The following GPHN variants were observed in gnomAD, a reference collection of about 807,000 sequenced individuals.
GPHN encodes gephyrin.
A neutral mutation model predicts 95.5 loss-of-function variants in GPHN; 17 were observed. The observed-to-expected ratio is 0.18, with a 90% CI of 0.12 to 0.27. GPHN has a LOEUF of 0.27. GPHN is among the 10% of genes least tolerant of loss of function. The pLI is 1.00. For synonymous variants in GPHN, 320 were observed against 322.5 expected, an observed-to-expected ratio of 0.99 and a Z score of 0.08; for missense variants, 660 against 978.1, an observed-to-expected ratio of 0.67 and a Z score of 4.34.
At chr14:67,653,601 A>T in the GPHN span, 5 of 1,004,258 alleles carry the variant, frequency 5.0e-6, no homozygotes, top group South Asian at 7.9e-5. Flanking sequence ...TATGTTGAAA[A>T]ATTCCAAGAA....
At chr14:66,952,912 T>C (rs2153579886) in intron 8 of GPHN, among the ~76,000 whole-genome samples, 2 of 152,020 alleles carry the variant, frequency 1.3e-5, no homozygotes, top group East Asian at 3.9e-4. Flanking sequence ...GCCAGGCCGG[T>C]CTCAAACTCC....
intron 9 of GPHN, among the ~76,000 whole-genome samples, chr14:66,990,226 C>T (rs915470009): frequency 6.6e-6 from 1 of 152,102 alleles, no homozygotes; most frequent in African/African-American, 2.4e-5. Flanking sequence ...AGAAAACCAC[C>T]TCCATGATCC....
At chr14:66,662,808 A>G (rs1264642904) in intron 1 of GPHN, among the ~76,000 whole-genome samples, 1 of 152,244 alleles carries the variant, frequency 6.6e-6, no homozygotes, top group African/African-American at 2.4e-5. Context: ...GAAGAAAACA[A>G]CAGAAGAAGT....
Position 66,834,615 on chromosome 14 carries a change from A to G in GPHN, c.294+10049A>G, listed in dbSNP as rs1162500205. ...TCCCAGGGATGAAGCCCACTTGATCATGGTGGATAAGCTTTTTGATGTGCT... is the reference window on the plus strand; with the variant it reads ...TCCCAGGGATGAAGCCCACTTGATCGTGGTGGATAAGCTTTTTGATGTGCT... On this transcript the variant is annotated intron_variant, in intron 4 of 22. Coordinates refer to ENST00000478722, the MANE Select transcript of GPHN (RefSeq NM_020806.5). Among the ~76,000 whole-genome samples the G allele has an allele frequency of 7.9e-5, 12 of 151,450 alleles. No individual in the cohort carries two copies. The East Asian group carries it at 9.8e-4, about 12-fold the overall frequency.
chr14:67,508,576 A>G, the GPHN span, among the ~76,000 whole-genome samples: 1 of 151,638 alleles, frequency 6.6e-6, no homozygotes, highest in Non-Finnish European at 1.5e-5. Flanking sequence ...TTCCTCTTCC[A>G]TGAATACTTC....
At chr14:67,278,585 C>T in the GPHN span, among the ~76,000 whole-genome samples, 14 of 152,158 alleles carry the variant, frequency 9.2e-5, no homozygotes, top group African/African-American at 3.4e-4. Context: ...ATTTCTTTAG[C>T]AGTTATTCTT....
At position 66,587,205 on chromosome 14, in the gene GPHN, A is replaced by G. The variant is rs573970164; in HGVS notation, c.64+78614A>G. ...TCATGAAGAAATAGAAAAGCTTTACATAATAACAAGTAAGGAGATTAAGTC... is the reference window on the plus strand; with the variant it reads ...TCATGAAGAAATAGAAAAGCTTTACGTAATAACAAGTAAGGAGATTAAGTC... On this transcript the variant is annotated intron_variant, in intron 1 of 22. Transcript: ENST00000478722. 4.6e-5 allele frequency among the ~76,000 whole-genome samples: 7 copies of G among 152,334 alleles called. No homozygotes were observed. The South Asian group carries it at 1.4e-3, about 32-fold the overall frequency.
intron 2 of GPHN, among the ~76,000 whole-genome samples, chr14:66,698,865 A>T (rs1373619255): frequency 6.6e-6 from 1 of 152,204 alleles, no homozygotes; most frequent in Non-Finnish European, 1.5e-5. Flanking sequence ...CATTTCATTA[A>T]TTTGATCTAT....
At chr14:66,680,846 CAT>C (rs1043673506) in intron 1 of GPHN, among the ~76,000 whole-genome samples, 15 of 151,974 alleles carry the variant, frequency 9.9e-5, no homozygotes, top group Admixed American at 7.2e-4. Context: ...TTTAGACCGA[CAT>C]GTTTATTATT....
At chr14:67,397,779 C>T in the GPHN span, 5 of 1,613,390 alleles carry the variant, frequency 3.1e-6, no homozygotes, top group Non-Finnish European at 4.2e-6. Context: ...CCAGCGTGTT[C>T]TGCCGAAGGA....
At chr14:66,597,864 G>A (rs2062049621) in intron 1 of GPHN, among the ~76,000 whole-genome samples, 1 of 152,214 alleles carries the variant, frequency 6.6e-6, no homozygotes, top group Non-Finnish European at 1.5e-5. Flanking sequence ...CAATAGCCAA[G>A]ATGTGGAATC....
the GPHN span, among the ~76,000 whole-genome samples, chr14:67,342,310 C>G: frequency 1.3e-5 from 2 of 151,672 alleles, no homozygotes; most frequent in Non-Finnish European, 2.9e-5. Context: ...GGTGTATACC[C>G]TTCTAGTGTC....
At chr14:67,111,294 G>C (rs997714217) in intron 14 of GPHN, among the ~76,000 whole-genome samples, 2 of 152,274 alleles carry the variant, frequency 1.3e-5, no homozygotes, top group African/African-American at 4.8e-5. Flanking sequence ...TACATCCACA[G>C]ACTCTGCCAG....
intron 8 of GPHN, among the ~76,000 whole-genome samples, chr14:66,944,694 A>G (rs557922061): frequency 6.6e-6 from 1 of 152,390 alleles, no homozygotes; most frequent in Non-Finnish European, 1.5e-5. Context: ...AATAGGGTGG[A>G]GAAAAGAAAA....
chr14:66,761,403 G>A (rs2058749297), intron 2 of GPHN, among the ~76,000 whole-genome samples: 2 of 152,214 alleles, frequency 1.3e-5, no homozygotes, highest in African/African-American at 2.4e-5. Flanking sequence ...TTATAGAAGG[G>A]GGGATACAAC....
At chr14:66,809,576 A>G (rs1395163282) in intron 3 of GPHN, among the ~76,000 whole-genome samples, 1 of 152,192 alleles carries the variant, frequency 6.6e-6, no homozygotes, top group Non-Finnish European at 1.5e-5. Context: ...CAAAAGAAGC[A>G]GCATATTTTG....
At chr14:66,571,823 A>T (rs369407419) in intron 1 of GPHN, among the ~76,000 whole-genome samples, 180 of 152,284 alleles carry the variant, frequency 1.2e-3, no homozygotes, top group African/African-American at 4.0e-3. Flanking sequence ...AAATGAAAAC[A>T]AAAAACAAAC....
chr14:67,397,390 C>A, the GPHN span, among the ~76,000 whole-genome samples: 1 of 152,358 alleles, frequency 6.6e-6, no homozygotes, highest in South Asian at 2.1e-4. Flanking sequence ...TGCTCTAATA[C>A]ACCGTGACCT....
chr14:67,275,281 T>G, the GPHN span, among the ~76,000 whole-genome samples: 2 of 152,234 alleles, frequency 1.3e-5, no homozygotes, highest in South Asian at 4.1e-4. Flanking sequence ...CTTATTATTT[T>G]GAGATACATT....
Sources: allele counts gnomAD v4.1 joint callset (sites outside exome capture counted in the v4.1 genomes callset), GRCh38; gene constraint gnomAD v4.1.1; transcripts MANE v1.5; gene names NCBI Gene and HGNC (gene_info 2026-07-23, HGNC 2026-07-21).